Variants in MINDY4 observed in about 807,000 individuals in gnomAD.
MINDY4 encodes the protein probable ubiquitin carboxyl-terminal hydrolase MINDY-4.
Under a neutral mutation model 87.0 loss-of-function variants are expected in MINDY4, and 68 were observed. That is an observed-to-expected ratio of 0.78 (90% CI 0.64 to 0.96). The LOEUF (loss-of-function observed/expected upper bound fraction) is 0.96, where lower values mean the gene tolerates loss of function less well. Ranked by LOEUF, MINDY4 falls within the 40% of genes least tolerant of loss-of-function variation. The probability of loss-of-function intolerance (pLI) is 0.00; values close to 1 mark genes in which losing one functional copy is unlikely to be tolerated. For synonymous variants in MINDY4, 379 were observed against 363.2 expected (o/e 1.04, Z -0.50); for missense variants, 919 against 928.2 (o/e 0.99, Z 0.13).
intron 5 of MINDY4, among the ~76,000 whole-genome samples, chr7:30,818,898 T>G (rs1405779174): frequency 6.6e-6 from 1 of 152,220 alleles, no homozygotes; most frequent in East Asian, 1.9e-4. Context: ...ACTGAAAAGC[T>G]CCTATTGATA....
At position 30,859,310 on chromosome 7, in the gene MINDY4, C is replaced by A. The variant is rs769787419; in HGVS notation, c.1731C>A (p.Ser577=). 6.2e-7 allele frequency: 1 copy of A among 1,614,204 alleles called. No individual in the cohort carries two copies. The part of the protein sequence containing the change: ...CILLTLSAIL[S]RSTELIRQDF... ...TGCTCACCCTTTCTGCCATCCTGTC[C>A]AGGTCTACAGAGCTGTGAGTATCTT... The change falls in exon 13 of 18, where the codon TCC becomes TCA. Residue 577 remains serine, a synonymous_variant. Coordinates refer to ENST00000265299, the MANE Select transcript of MINDY4 (RefSeq NM_032222.3).
chr7:30,797,511 T>G (rs1335827217), intron 5 of MINDY4, among the ~76,000 whole-genome samples: 1 of 152,126 alleles, frequency 6.6e-6, no homozygotes, highest in Non-Finnish European at 1.5e-5. Flanking sequence ...CGACAGCAGT[T>G]GTGCACAGGC....
At chr7:30,782,365 T>C (rs1787032207) in intron 3 of MINDY4, among the ~76,000 whole-genome samples, 153 bp downstream of exon 3, 1 of 150,704 alleles carries the variant, frequency 6.6e-6, no homozygotes, top group Admixed American at 6.6e-5. Context: ...TGTGTGTGTG[T>C]GTGTGTGCAT....
At chr7:30,771,915 G>T (rs2128163614) in intron 1 of MINDY4, among the ~76,000 whole-genome samples, 1 of 152,338 alleles carries the variant, frequency 6.6e-6, no homozygotes, top group Middle Eastern at 3.4e-3. Flanking sequence ...CTGGCTGCCG[G>T]CCTCCGTGCG....
At chr7:30,845,943 C>G (rs540708866) in intron 9 of MINDY4, among the ~76,000 whole-genome samples, 1 of 152,184 alleles carries the variant, frequency 6.6e-6, no homozygotes, top group Admixed American at 6.5e-5. Context: ...GAGGCTGTGC[C>G]GGCTTGGCTC....
chr7:30,888,418 A>C (rs1790699335), intron 17 of MINDY4, among the ~76,000 whole-genome samples: 1 of 152,228 alleles, frequency 6.6e-6, no homozygotes. Context: ...AAAATGCCTT[A>C]GGTACCGAGG....
At chr7:30,885,039 A>C (rs748761153) in intron 17 of MINDY4, among the ~76,000 whole-genome samples, 4 of 152,246 alleles carry the variant, frequency 2.6e-5, no homozygotes, top group African/African-American at 7.2e-5. Context: ...CTGCCCTCAC[A>C]TCTGCTTAGT....
chr7:30,891,441 C>T (rs1405915614), intron 17 of MINDY4, among the ~76,000 whole-genome samples: 2 of 152,314 alleles, frequency 1.3e-5, no homozygotes, highest in East Asian at 1.9e-4. Flanking sequence ...TGTCGTGTTA[C>T]TGCAGTGCTC....
At chr7:30,781,053 G>C (rs1214286384) in intron 2 of MINDY4, 3 of 152,294 alleles carry the variant, frequency 2.0e-5, no homozygotes, top group Non-Finnish European at 1.5e-5. Context: ...GGAGTAGGAA[G>C]GGGGAGGACT....
At chr7:30,842,559 G>A (rs910907093) in intron 9 of MINDY4, among the ~76,000 whole-genome samples, 12 of 152,132 alleles carry the variant, frequency 7.9e-5, no homozygotes, top group Non-Finnish European at 1.6e-4. Context: ...TGCTTAGCAG[G>A]TCCTCAGCAG....
chr7:30,846,086 C>G (rs529362551), intron 9 of MINDY4, among the ~76,000 whole-genome samples: 8 of 152,190 alleles, frequency 5.3e-5, no homozygotes, highest in Non-Finnish European at 1.2e-4. Context: ...TTCCACTTCC[C>G]CTCTGAAGTT....
intron 3 of MINDY4, 129 bp downstream of exon 3, chr7:30,782,341 T>A: frequency 1.6e-6 from 1 of 607,324 alleles, no homozygotes; most frequent in Non-Finnish European, 2.6e-6. Context: ...TGTGTGTATG[T>A]TTGTGTGTGT....
intron 12 of MINDY4, among the ~76,000 whole-genome samples, chr7:30,856,818 C>G (rs1789585327): frequency 6.6e-6 from 1 of 151,526 alleles, no homozygotes; most frequent in African/African-American, 2.4e-5. Flanking sequence ...AGAGCTGGTA[C>G]AAGGGACTGG....
At chr7:30,856,551 C>G (rs1257910391) in intron 12 of MINDY4, among the ~76,000 whole-genome samples, 1 of 151,994 alleles carries the variant, frequency 6.6e-6, no homozygotes, top group African/African-American at 2.4e-5. Flanking sequence ...GTGTCTGTTA[C>G]TTCACTGCAG....
rs190459373 is a variant in MINDY4, at chr7:30,873,575, A to G, written c.1809+1269A>G. Among the ~76,000 whole-genome samples the G allele has an allele frequency of 4.8e-3, 724 of 152,270 alleles. 5 individuals carry two copies. Among genetic ancestry groups the G allele is most frequent in the Non-Finnish European group, 6.2e-3 (419 of 68,006 alleles). On this transcript the variant is annotated intron_variant, in intron 14 of 17. Transcript: ENST00000265299. ...CTGGGGCCTAAGATTCTCAATTTCT[A>G]TCAGGCTCCCCAGGGAGGGCGATTC...
intron 5 of MINDY4, among the ~76,000 whole-genome samples, chr7:30,823,611 G>T (rs1788406674): frequency 6.6e-6 from 1 of 151,720 alleles, no homozygotes; most frequent in South Asian, 2.1e-4. Flanking sequence ...TTTTCATAAT[G>T]TCTAGCTCTT....
At chr7:30,883,963 G>A (rs998515368) in intron 17 of MINDY4, among the ~76,000 whole-genome samples, 3 of 152,190 alleles carry the variant, frequency 2.0e-5, no homozygotes, top group African/African-American at 7.2e-5. Context: ...TGGACCTTGT[G>A]AAGAGTGTCT....
At chr7:30,855,252 A>G (rs1012124140) in intron 12 of MINDY4, among the ~76,000 whole-genome samples, 1 of 152,258 alleles carries the variant, frequency 6.6e-6, no homozygotes, top group Non-Finnish European at 1.5e-5. Context: ...GCTCTTCATC[A>G]TCTAAGGGTG....
At position 30,771,559 on chromosome 7, in the gene MINDY4, A is replaced by G. The variant is rs1786633716; in HGVS notation, c.63+3A>G. On this transcript the variant is annotated splice_donor_region_variant and intron_variant, in intron 1 of 17. Coordinates refer to ENST00000265299, the MANE Select transcript of MINDY4 (RefSeq NM_032222.3). ...TCAGGGAGTTCCTCAGCAGAAAGGTAACGGCTCGCCCCCTCCAAAGCCCAG... is the reference window on the plus strand; with the variant it reads ...TCAGGGAGTTCCTCAGCAGAAAGGTGACGGCTCGCCCCCTCCAAAGCCCAG... 1 of 1,593,566 alleles carries G rather than the reference A, an allele frequency of 6.3e-7. No homozygotes were observed. The highest frequency in any genetic ancestry group is 8.5e-7 in the Non-Finnish European group (1 of 1,171,166).
Sources: gnomAD v4.1 joint callset for allele counts (sites outside exome capture counted in the v4.1 genomes callset) on GRCh38, gnomAD v4.1.1 for gene constraint, MANE v1.5 for transcripts, NCBI Gene and HGNC (gene_info 2026-07-23, HGNC 2026-07-21) for gene names.